The following SGCD variants were observed in gnomAD, a reference collection of about 807,000 sequenced individuals.
The protein encoded by SGCD is sarcoglycan delta, also known as delta-sarcoglycan.
SGCD carries 18 observed loss-of-function variants against 36.6 expected under a neutral mutation model. That is an observed-to-expected ratio of 0.49 (90% CI 0.34 to 0.73). The LOEUF is 0.73. Among genes scored for constraint, SGCD ranks in the 30% least tolerant of loss-of-function variants. The pLI is 0.01. For missense variants in SGCD, 387 were observed against 346.7 expected (o/e 1.12, Z -0.92); for synonymous variants, 133 against 130.6 (o/e 1.02, Z -0.12).
intron 1 of SGCD, among the ~76,000 whole-genome samples, chr5:155,993,742 T>G (rs772797698): frequency 3.0e-4 from 45 of 152,280 alleles, no homozygotes; most frequent in Non-Finnish European, 4.6e-4. Context: ...ATGGACCCTC[T>G]ATGTGGTTGC....
chr5:156,184,525 C>T (rs1265487261), intron 3 of SGCD, among the ~76,000 whole-genome samples: 1 of 152,124 alleles, frequency 6.6e-6, no homozygotes. Flanking sequence ...AATATGCCCT[C>T]ATATGTTTAT....
intron 3 of SGCD, among the ~76,000 whole-genome samples, chr5:156,143,012 A>G (rs1762614034): frequency 1.3e-5 from 2 of 152,234 alleles, no homozygotes; most frequent in African/African-American, 2.4e-5. Flanking sequence ...ACAGTTGAAG[A>G]AACCCTTCCC....
At chr5:156,148,927 TC>T (rs1762771338) in intron 3 of SGCD, among the ~76,000 whole-genome samples, 1 of 152,188 alleles carries the variant, frequency 6.6e-6, no homozygotes, top group Non-Finnish European at 1.5e-5. Context: ...CTTTTATCGT[TC>T]CATCAGACTT....
intron 7 of SGCD, among the ~76,000 whole-genome samples, chr5:156,757,183 A>T (rs922359146): frequency 6.7e-6 from 1 of 149,304 alleles, no homozygotes; most frequent in African/African-American, 2.5e-5. Flanking sequence ...TCCATGGAAG[A>T]TACAGAAGCA....
At chr5:156,084,190 T>C (rs1761037674) in intron 1 of SGCD, among the ~76,000 whole-genome samples, 1 of 152,250 alleles carries the variant, frequency 6.6e-6, no homozygotes, top group Non-Finnish European at 1.5e-5. Flanking sequence ...TGGGGAGATT[T>C]GACACATTTA....
intron 3 of SGCD, among the ~76,000 whole-genome samples, chr5:156,229,261 C>CATAT (rs1263970141): frequency 7.1e-5 from 1 of 14,026 alleles, no homozygotes; most frequent in Non-Finnish European, 2.1e-4. Flanking sequence ...TACATACATA[C>CATAT]ATATATATAT....
the SGCD span, among the ~76,000 whole-genome samples, chr5:155,754,236 C>T: frequency 0.014 from 2,131 of 152,328 alleles, 56 homozygotes; most frequent in African/African-American, 0.047. Flanking sequence ...GTAATCCCTG[C>T]TTTGTCTCCA....
intron 3 of SGCD, among the ~76,000 whole-genome samples, chr5:156,260,018 T>C (rs1488406166): frequency 6.6e-6 from 1 of 152,200 alleles, no homozygotes. Flanking sequence ...ACAAAATGAA[T>C]TAAGACAATT....
intron 3 of SGCD, among the ~76,000 whole-genome samples, chr5:156,449,876 AC>A (rs1214893686): frequency 6.7e-6 from 1 of 149,904 alleles, no homozygotes; most frequent in Non-Finnish European, 1.5e-5. Flanking sequence ...AAAAAAAGAA[AC>A]TTTTTCGACT....
chr5:156,529,317 C>T (rs1318865236), intron 4 of SGCD, among the ~76,000 whole-genome samples: 1 of 149,020 alleles, frequency 6.7e-6, no homozygotes, highest in Admixed American at 6.8e-5. Context: ...CCCAGCTACT[C>T]GGGAGGCTGA....
intron 3 of SGCD, among the ~76,000 whole-genome samples, chr5:156,508,336 C>T (rs1200047112): frequency 6.6e-6 from 1 of 152,068 alleles, no homozygotes; most frequent in African/African-American, 2.4e-5. Context: ...AATTGCCCCC[C>T]ACCCCAATCT....
At chr5:156,179,962 C>T (rs1011174195) in intron 3 of SGCD, among the ~76,000 whole-genome samples, 1 of 151,946 alleles carries the variant, frequency 6.6e-6, no homozygotes, top group Non-Finnish European at 1.5e-5. Context: ...GTGAAACATG[C>T]AAACCTATAA....
intron 3 of SGCD, among the ~76,000 whole-genome samples, chr5:156,254,401 GTCGTTTTTAAAGCATGCCATTTA>G (rs1765661025): frequency 6.6e-6 from 1 of 152,122 alleles, no homozygotes; most frequent in African/African-American, 2.4e-5. Context: ...CAATGCTCTA[GTCGTTTTTAAAGCATGCCATTTA>G]TCAGGCTAAG....
intron 7 of SGCD, among the ~76,000 whole-genome samples, chr5:156,735,943 G>A (rs1756337512): frequency 6.6e-6 from 1 of 152,088 alleles, no homozygotes; most frequent in Admixed American, 6.5e-5. Flanking sequence ...TGGTGGAGTG[G>A]GTTTATGAAG....
At chr5:155,799,545 T>C in the SGCD span, among the ~76,000 whole-genome samples, 1 of 151,702 alleles carries the variant, frequency 6.6e-6, no homozygotes. Flanking sequence ...AGGAGTGCCA[T>C]CATGCCCAGC....
intron 1 of SGCD, among the ~76,000 whole-genome samples, chr5:155,989,559 A>G (rs992187968): frequency 6.6e-6 from 1 of 152,098 alleles, no homozygotes; most frequent in Non-Finnish European, 1.5e-5. Flanking sequence ...TTCCAATCAA[A>G]GACTGTGGAT....
At chr5:156,186,894 C>G (rs1763774338) in intron 3 of SGCD, among the ~76,000 whole-genome samples, 1 of 152,206 alleles carries the variant, frequency 6.6e-6, no homozygotes, top group East Asian at 1.9e-4. Flanking sequence ...CCAAAGTTTT[C>G]CCAAGTCAAT....
chr5:156,476,240 G>T (rs946329163), intron 3 of SGCD, among the ~76,000 whole-genome samples: 2 of 152,164 alleles, frequency 1.3e-5, no homozygotes, highest in Non-Finnish European at 2.9e-5. Context: ...AGTTCTGGGG[G>T]TCTACTTTTT....
At chr5:156,192,057 G>A (rs1217987974) in intron 3 of SGCD, among the ~76,000 whole-genome samples, 2 of 152,126 alleles carry the variant, frequency 1.3e-5, no homozygotes, top group African/African-American at 4.8e-5. Context: ...AAAGACAATA[G>A]TCATCTCCAT....
Sources: allele counts gnomAD v4.1 joint callset (sites outside exome capture counted in the v4.1 genomes callset), GRCh38; gene constraint gnomAD v4.1.1; transcripts MANE v1.5; gene names NCBI Gene and HGNC (gene_info 2026-07-23, HGNC 2026-07-21).